The following DLG2 variants were observed in gnomAD, a reference collection of about 807,000 sequenced individuals.
The protein encoded by DLG2 is discs large MAGUK scaffold protein 2.
A neutral mutation model predicts 132.5 loss-of-function variants in DLG2; 45 were observed. That is an observed-to-expected ratio of 0.34 (90% confidence interval 0.27 to 0.44). The LOEUF is 0.44. DLG2 is among the 20% of genes least tolerant of loss of function. The pLI is 1.00. For synonymous variants in DLG2, 424 were observed against 419.6 expected (o/e 1.01, Z -0.13); for missense variants, 1,045 against 1,196.9 (o/e 0.87, Z 1.87).
chr11:84,985,601 C>G (rs532221293), intron 6 of DLG2, among the ~76,000 whole-genome samples: 2 of 151,958 alleles, frequency 1.3e-5, no homozygotes, highest in Non-Finnish European at 2.9e-5. Context: ...AAACACAAAC[C>G]CAGCAGAAGA....
In DLG2 at chr11:84,259,818, C is replaced by A. The variant is rs556397693; in HGVS notation, c.520-8527G>T. On this transcript the variant is annotated intron_variant, in intron 7 of 27. Coordinates refer to ENST00000376104, the MANE Select transcript of DLG2 (RefSeq NM_001142699.3). ...AAAACTAATAACAGTAAGTAACTCG[C>A]CCAAGGTCATTCAGCTGGTAATAGC... Among the ~76,000 whole-genome samples the A allele has an allele frequency of 1.2e-3, 179 of 152,204 alleles. 2 individuals carry two copies. Among genetic ancestry groups the A allele is most frequent in the African/African-American group, 4.1e-3 (172 of 41,516 alleles).
chr11:84,743,670 GA>G (rs1298546881), intron 6 of DLG2, among the ~76,000 whole-genome samples: 4 of 152,148 alleles, frequency 2.6e-5, no homozygotes, highest in Admixed American at 6.5e-5. Context: ...TTGCTATATG[GA>G]TAAGTCTGGA....
At chr11:85,211,843 C>A (rs1341859735) in intron 4 of DLG2, among the ~76,000 whole-genome samples, 1 of 152,082 alleles carries the variant, frequency 6.6e-6, no homozygotes, top group Non-Finnish European at 1.5e-5. Flanking sequence ...TGGGAGCTAT[C>A]TCATTAGTAG....
Position 83,508,579 on chromosome 11 carries a change from T to C in DLG2, c.2193+24129A>G, listed in dbSNP as rs189955343. Among the ~76,000 whole-genome samples the C allele has an allele frequency of 3.3e-5, 5 of 152,062 alleles. No individual in the cohort carries two copies. The East Asian group carries it at 7.7e-4, about 24-fold the overall frequency. ...TCTTAATACTAGCAACTAATACTTA[T>C]TGAGCTCTCCTCTGTGCCATTGTCA... On this transcript the variant is annotated intron_variant, in intron 21 of 27. Coordinates refer to ENST00000376104, the MANE Select transcript of DLG2 (RefSeq NM_001142699.3).
intron 4 of DLG2, among the ~76,000 whole-genome samples, chr11:85,177,555 A>T (rs55932542): frequency 0.11 from 16,067 of 151,896 alleles, 1,221 homozygotes; most frequent in African/African-American, 0.22. Context: ...TCAGGAAGAA[A>T]AGCTAATGGA....
chr11:84,789,821 G>T (rs1457092202), intron 6 of DLG2, among the ~76,000 whole-genome samples: 2 of 152,084 alleles, frequency 1.3e-5, no homozygotes, highest in Non-Finnish European at 2.9e-5. Flanking sequence ...CCACAAAAAA[G>T]TGAGACCATG....
At chr11:84,737,417 G>A (rs1226998452) in intron 6 of DLG2, among the ~76,000 whole-genome samples, 1 of 151,888 alleles carries the variant, frequency 6.6e-6, no homozygotes, top group African/African-American at 2.4e-5. Context: ...GATTTGCATA[G>A]AATGGGTGCT....
intron 18 of DLG2, among the ~76,000 whole-genome samples, chr11:83,747,029 A>G (rs1255713325): frequency 1.3e-5 from 2 of 152,192 alleles, no homozygotes; most frequent in Non-Finnish European, 2.9e-5. Flanking sequence ...AGCCAAGAAG[A>G]AAAGAAAATT....
intron 6 of DLG2, among the ~76,000 whole-genome samples, chr11:84,909,350 G>T (rs1031654328): frequency 7.2e-5 from 11 of 152,176 alleles, no homozygotes; most frequent in Middle Eastern, 3.4e-3. Flanking sequence ...AGAAAGAAAA[G>T]TCTGCAGTTC....
chr11:85,089,478 C>T (rs72959759), intron 6 of DLG2, among the ~76,000 whole-genome samples: 1 of 152,106 alleles, frequency 6.6e-6, no homozygotes, highest in Admixed American at 6.6e-5. Context: ...TTTTTTATGG[C>T]TGCATAGTAT....
chr11:83,790,873 C>A, intron 17 of DLG2: 2 of 747,700 alleles, frequency 2.7e-6, no homozygotes, highest in East Asian at 2.4e-5. Context: ...CTACTTGATC[C>A]TTCCAAAGGA....
intron 14 of DLG2, among the ~76,000 whole-genome samples, chr11:83,953,130 T>C (rs11233852): frequency 0.11 from 16,213 of 152,224 alleles, 947 homozygotes; most frequent in Middle Eastern, 0.16. Context: ...AATTTATAAA[T>C]TGATAGTGTC....
intron 6 of DLG2, among the ~76,000 whole-genome samples, chr11:84,741,011 T>C (rs1030633993): frequency 6.7e-6 from 1 of 149,264 alleles, no homozygotes; most frequent in Non-Finnish European, 1.5e-5. Context: ...GGACTACGCA[T>C]GGCAGATGCG....
At position 84,516,279 on chromosome 11, in the gene DLG2, T is replaced by G. The variant is rs553319244; in HGVS notation, c.519+18291A>C. Among the ~76,000 whole-genome samples, 15 of 151,584 alleles carry G rather than the reference T, an allele frequency of 9.9e-5. No individual in the cohort carries two copies. In the South Asian group the frequency reaches 2.9e-3, roughly 29 times the overall value. On this transcript the variant is annotated intron_variant, in intron 7 of 27. Coordinates refer to ENST00000376104, the MANE Select transcript of DLG2 (RefSeq NM_001142699.3). ...CTAGAGAAACACTGGAAATGAGCAG[T>G]AAAACTAAGTTGTTTTTTGAAAAAA...
Position 84,010,771 on chromosome 11 carries a change from T to C in DLG2, c.920-30129A>G, listed in dbSNP as rs191656799. On this transcript the variant is annotated intron_variant, in intron 11 of 27. Transcript: ENST00000376104. ...AGAGCAATCAAAATACCTACTGACA[T>C]GATGTAAACACTTGAGCATTATTAT... 6.1e-4 allele frequency among the ~76,000 whole-genome samples: 93 copies of C among 152,248 alleles called. No homozygotes were observed. In the Middle Eastern group the frequency reaches 0.01, roughly 17 times the overall value.
chr11:83,551,083 AT>A (rs1438317760), intron 19 of DLG2, among the ~76,000 whole-genome samples: 1 of 152,222 alleles, frequency 6.6e-6, no homozygotes, highest in Non-Finnish European at 1.5e-5. Context: ...AAGCTGCAGT[AT>A]GATTTTCAGC....
At chr11:85,481,867 G>A (rs1272181115) in intron 3 of DLG2, among the ~76,000 whole-genome samples, 1 of 151,620 alleles carries the variant, frequency 6.6e-6, no homozygotes, top group Non-Finnish European at 1.5e-5. Context: ...CCAGCCCCCT[G>A]CAGCCCCAGA....
chr11:84,287,566 C>G (rs1599113324), intron 7 of DLG2, among the ~76,000 whole-genome samples: 1 of 152,124 alleles, frequency 6.6e-6, no homozygotes, highest in Non-Finnish European at 1.5e-5. Flanking sequence ...CTACTCCCTG[C>G]TCTAATCAAT....
At chr11:84,356,776 T>G (rs2098615125) in intron 7 of DLG2, among the ~76,000 whole-genome samples, 1 of 151,708 alleles carries the variant, frequency 6.6e-6, no homozygotes, top group Non-Finnish European at 1.5e-5. Context: ...AATGCCAGGG[T>G]AGAGAATGAA....
Sources: gnomAD v4.1 joint callset for allele counts (sites outside exome capture counted in the v4.1 genomes callset) on GRCh38, gnomAD v4.1.1 for gene constraint, MANE v1.5 for transcripts, NCBI Gene and HGNC (gene_info 2026-07-23, HGNC 2026-07-21) for gene names.